Variants in WSCD2 observed in about 807,000 individuals in gnomAD.
WSCD2 encodes sialate:O-sulfotransferase 2.
Under a neutral mutation model 55.7 loss-of-function variants are expected in WSCD2, and 28 were observed. The observed-to-expected ratio is 0.50, with a 90% CI of 0.37 to 0.69. WSCD2 has a LOEUF of 0.69. WSCD2 is among the 30% of genes least tolerant of loss of function. The pLI is 0.00. For missense variants in WSCD2, 616 were observed against 762.1 expected, an observed-to-expected ratio of 0.81 and a Z score of 2.26; for synonymous variants, 301 against 301.9, an observed-to-expected ratio of 1.00 and a Z score of 0.03.
chr12:108,187,499 C>G (rs1410254608), intron 1 of WSCD2, among the ~76,000 whole-genome samples: 3 of 152,214 alleles, frequency 2.0e-5, no homozygotes, highest in Non-Finnish European at 4.4e-5. Flanking sequence ...GGGCTCGAAG[C>G]CTGTTCCACC....
chr12:108,182,213 A>G (rs1477903266), intron 1 of WSCD2, among the ~76,000 whole-genome samples: 1 of 152,194 alleles, frequency 6.6e-6, no homozygotes, highest in Non-Finnish European at 1.5e-5. Context: ...TTCTCTGCCA[A>G]AAGGGAGATT....
intron 6 of WSCD2, among the ~76,000 whole-genome samples, chr12:108,232,136 C>A (rs938053122): frequency 4.6e-5 from 7 of 152,292 alleles, no homozygotes; most frequent in Non-Finnish European, 7.4e-5. Context: ...TGTGAGTTTG[C>A]AAAGGCCAAC....
intron 2 of WSCD2, among the ~76,000 whole-genome samples, chr12:108,201,848 G>GA (rs1014484928): frequency 1.1e-4 from 16 of 151,914 alleles, no homozygotes; most frequent in East Asian, 7.7e-4. Context: ...AGTAAAGGAG[G>GA]AAAAAAAACT....
chr12:108,250,322 A>T lies in WSCD2; in HGVS notation c.*1979A>T, dbSNP rs371213432. The T allele has an allele frequency of 4.6e-5, 7 of 152,392 alleles. No individual in the cohort carries two copies. The highest frequency in any genetic ancestry group is 1.7e-4 in the African/African-American group (7 of 41,522). The allele number at this position is 152,392 out of a possible 1,614,324, so 9.4% of individuals were successfully genotyped here. On this transcript the variant is annotated 3_prime_UTR_variant, in exon 9 of 9. Transcript: ENST00000547525. ...CGGGGTGGCAGGCGGGTTGGTGTAT[A>T]ACTGCTTTGTGCCTGTGTGACTCTG...
At chr12:108,203,151 G>A (rs910317020) in intron 2 of WSCD2, among the ~76,000 whole-genome samples, 1 of 152,206 alleles carries the variant, frequency 6.6e-6, no homozygotes, top group Non-Finnish European at 1.5e-5. Flanking sequence ...AGTAGTTAGT[G>A]CTCCCCCTAC....
intron 7 of WSCD2, among the ~76,000 whole-genome samples, chr12:108,234,271 A>G (rs548958068): frequency 7.5e-4 from 114 of 152,340 alleles, no homozygotes; most frequent in African/African-American, 2.7e-3. Flanking sequence ...GGCACTAACC[A>G]GGCACAGCTT....
chr12:108,238,698 T>A (rs143383673), intron 7 of WSCD2, among the ~76,000 whole-genome samples: 302 of 152,304 alleles, frequency 2.0e-3, no homozygotes, highest in African/African-American at 6.9e-3. Context: ...TGACATGATA[T>A]CCAGAATGAC....
At chr12:108,146,901 G>A (rs1184150741) in intron 1 of WSCD2, among the ~76,000 whole-genome samples, 5 of 152,100 alleles carry the variant, frequency 3.3e-5, no homozygotes, top group Non-Finnish European at 7.4e-5. Context: ...CAGTCCTTTT[G>A]GATTATTAAC....
intron 3 of WSCD2, among the ~76,000 whole-genome samples, chr12:108,209,579 A>G (rs1885855725): frequency 6.6e-6 from 1 of 151,938 alleles, no homozygotes; most frequent in Admixed American, 6.5e-5. Flanking sequence ...GTGAAGATGA[A>G]GGCAGGTGGA....
chr12:108,177,739 T>G (rs528628685), intron 1 of WSCD2, among the ~76,000 whole-genome samples: 2 of 152,014 alleles, frequency 1.3e-5, no homozygotes, highest in East Asian at 3.9e-4. Flanking sequence ...CCTGGGCAAA[T>G]AGTGAGGCCC....
intron 8 of WSCD2, among the ~76,000 whole-genome samples, chr12:108,243,493 C>G (rs963936881): frequency 1.3e-5 from 2 of 152,178 alleles, no homozygotes; most frequent in Non-Finnish European, 2.9e-5. Flanking sequence ...CTCTGCCTCC[C>G]GAAGTGCTGG....
At chr12:108,230,405 C>A (rs1252380189) in intron 6 of WSCD2, among the ~76,000 whole-genome samples, 1 of 152,198 alleles carries the variant, frequency 6.6e-6, no homozygotes, top group East Asian at 1.9e-4. Context: ...CCAGGAACCA[C>A]AATCGATTCT....
At chr12:108,132,901 CAT>C (rs1875752947) in intron 1 of WSCD2, among the ~76,000 whole-genome samples, 1 of 151,504 alleles carries the variant, frequency 6.6e-6, no homozygotes, top group Admixed American at 6.6e-5. Flanking sequence ...CCTCTATGTG[CAT>C]ATGTGTGTGT....
Position 108,195,976 on chromosome 12 carries a change from C to T in WSCD2, c.144C>T (p.Asn48=). The T allele has an allele frequency of 2.5e-6, 4 of 1,614,240 alleles. No homozygotes were observed. The highest frequency in any genetic ancestry group is 3.4e-6 in the Non-Finnish European group (4 of 1,180,042). ...TGGGCCAGCCCGCTGTCTCGGGGAACCAGGCGAACCCCGCTGCTGCAGGAG... is the reference window on the plus strand; with the variant it reads ...TGGGCCAGCCCGCTGTCTCGGGGAATCAGGCGAACCCCGCTGCTGCAGGAG... ...GFVGQPAVSG[N]QANPAAAGGP... The change falls in exon 2 of 9, where the codon AAC becomes AAT. Residue 48 remains asparagine, a synonymous_variant. Transcript: ENST00000547525.
In WSCD2 at chr12:108,240,517, G is replaced by C. The variant is rs1218228291; in HGVS notation, c.1318G>C (p.Ala440Pro). 2 of 1,611,812 alleles carry C rather than the reference G, an allele frequency of 1.2e-6. No homozygotes were observed. Among genetic ancestry groups the C allele is most frequent in the African/African-American group, 2.7e-5 (2 of 74,798 alleles). The change falls in exon 8 of 9, where the codon GCT becomes CCT. Residue 440 changes from alanine (A) to proline (P), a missense_variant. By Grantham distance (27) the Ala-to-Pro change is conservative. Coordinates refer to ENST00000547525, the MANE Select transcript of WSCD2 (RefSeq NM_014653.4). ...CAAGTACGGCGGCCACATAGGCTTT[G>C]CTGCGCATGCCCACTGGAAGGGCAA... ...NRKYGGHIGF[A>P]AHAHWKGKEW...
chr12:108,248,267 C>T lies in WSCD2; in HGVS notation c.1622C>T (p.Ala541Val), dbSNP rs1242883136. ...GCGGACATGCAGAAGACCATCTCTG[C>T]CTACATCAAGATGGTGGATGCAGCC... ...YTADMQKTISAYIKMVDAALK... is the reference protein window; with the variant it reads ...YTADMQKTISVYIKMVDAALK... Residue 541 changes from alanine to valine, a missense_variant, in exon 9 of 9, where the codon GCC becomes GTC. This residue lies in a region of WSCD2 where 234 missense variants were observed against 264.6 expected (regional missense o/e 0.88). Coordinates refer to ENST00000547525, the MANE Select transcript of WSCD2 (RefSeq NM_014653.4). This position sits in a 1 kb window ranked among gnomAD's most constrained non-coding sequence, Gnocchi z 4.3. 6.2e-7 allele frequency: 1 copy of T among 1,614,232 alleles called. No homozygotes were observed.
intron 1 of WSCD2, among the ~76,000 whole-genome samples, chr12:108,180,540 G>A (rs561859813): frequency 1.3e-5 from 2 of 152,222 alleles, no homozygotes; most frequent in African/African-American, 2.4e-5. Context: ...TTTGAATGTC[G>A]GGGGAGGGAG....
intron 7 of WSCD2, among the ~76,000 whole-genome samples, chr12:108,239,880 AT>A (rs373215881): frequency 2.6e-5 from 4 of 151,376 alleles, no homozygotes; most frequent in Non-Finnish European, 5.9e-5. Flanking sequence ...TGCCTGGCTA[AT>A]TTTTTTTTAA....
At chr12:108,174,047 G>A (rs567673379) in intron 1 of WSCD2, among the ~76,000 whole-genome samples, 79 of 152,052 alleles carry the variant, frequency 5.2e-4, no homozygotes, top group African/African-American at 1.8e-3. Flanking sequence ...TGGTCTTTAC[G>A]AATCCCTGTG....
Sources: allele counts gnomAD v4.1 joint callset (sites outside exome capture counted in the v4.1 genomes callset), GRCh38; gene constraint gnomAD v4.1.1; regional missense constraint gnomAD v4.1.1; non-coding constraint Gnocchi (gnomAD v3.1); transcripts MANE v1.5; gene names NCBI Gene and HGNC (gene_info 2026-07-23, HGNC 2026-07-21).